LDHC: variants seen among roughly 807,000 people sequenced by gnomAD.
LDHC encodes L-lactate dehydrogenase C chain.
In LDHC, 20 loss-of-function variants were observed where a neutral mutation model predicts 30.2. The ratio of observed to expected loss-of-function variants is 0.66; its 90% confidence interval spans 0.47 to 0.96. The LOEUF (loss-of-function observed/expected upper bound fraction) is 0.96. Among genes scored for constraint, LDHC ranks in the 40% least tolerant of loss-of-function variants. The pLI is 0.00. For synonymous variants in LDHC, 139 were observed against 132.7 expected (o/e 1.05, Z -0.32); for missense variants, 362 against 394.9 (o/e 0.92, Z 0.71).
intron 4 of LDHC, among the ~76,000 whole-genome samples, chr11:18,431,802 C>T (rs575525592): frequency 4.9e-4 from 74 of 152,222 alleles, no homozygotes; most frequent in African/African-American, 1.1e-3. Context: ...CCACCTGCCT[C>T]GCCTCCCAAA....
intron 6 of LDHC, among the ~76,000 whole-genome samples, chr11:18,439,828 A>AAAC (rs1554964769): frequency 6.9e-6 from 1 of 144,830 alleles, no homozygotes; most frequent in Non-Finnish European, 1.5e-5. Flanking sequence ...AAAAAAAAAA[A>AAAC]AAAAAAAACA....
intron 3 of LDHC, among the ~76,000 whole-genome samples, chr11:18,422,319 G>A (rs1410426088): frequency 6.6e-6 from 1 of 152,086 alleles, no homozygotes. Flanking sequence ...ACTCTGGGAG[G>A]CTGAGGTGGT....
chr11:18,416,712 C>G (rs1867028809), intron 3 of LDHC, among the ~76,000 whole-genome samples: 1 of 150,452 alleles, frequency 6.6e-6, no homozygotes, highest in Admixed American at 6.7e-5. Context: ...CTTCCTTTTC[C>G]CTTTCCCCTT....
At chr11:18,437,858 A>C (rs1367951747) in intron 5 of LDHC, among the ~76,000 whole-genome samples, 2 of 151,808 alleles carry the variant, frequency 1.3e-5, no homozygotes, top group East Asian at 3.9e-4. Flanking sequence ...TGAGGCCAGG[A>C]GTTTAAGACC....
intron 3 of LDHC, among the ~76,000 whole-genome samples, chr11:18,429,432 G>A (rs561976722): frequency 1.3e-5 from 2 of 152,162 alleles, no homozygotes; most frequent in South Asian, 4.1e-4. Context: ...TTTCTAAGAA[G>A]GCAGAGAGCT....
chr11:18,431,843 C>A (rs1848272308), intron 4 of LDHC, among the ~76,000 whole-genome samples: 1 of 152,184 alleles, frequency 6.6e-6, no homozygotes, highest in Non-Finnish European at 1.5e-5. Flanking sequence ...AGCCACTGCA[C>A]CCGGCCTGCT....
At chr11:18,434,150 A>C (rs1337279266) in intron 4 of LDHC, among the ~76,000 whole-genome samples, 2 of 151,516 alleles carry the variant, frequency 1.3e-5, no homozygotes, top group Non-Finnish European at 2.9e-5. Context: ...AAATTTCCTG[A>C]ATTTTTTATT....
At chr11:18,437,696 G>A (rs964194412) in intron 5 of LDHC, among the ~76,000 whole-genome samples, 6 of 149,094 alleles carry the variant, frequency 4.0e-5, no homozygotes, top group African/African-American at 1.5e-4. Context: ...AGCTTGCAGT[G>A]AGCCGAGATC....
chr11:18,439,833 A>C (rs1268078430), intron 6 of LDHC, among the ~76,000 whole-genome samples: 1 of 148,662 alleles, frequency 6.7e-6, no homozygotes, highest in Non-Finnish European at 1.5e-5. Flanking sequence ...AAAAAAAAAA[A>C]AAACAAAAAT....
chr11:18,441,136 A>C (rs1268018479), intron 6 of LDHC, among the ~76,000 whole-genome samples: 4 of 151,706 alleles, frequency 2.6e-5, no homozygotes, highest in African/African-American at 9.7e-5. Context: ...TAAAAAAAAA[A>C]CAAAAAACAA....
Position 18,451,318 on chromosome 11 carries a change from G to C in LDHC, c.*191G>C, listed in dbSNP as rs1298503372. On this transcript the variant is annotated 3_prime_UTR_variant, in exon 8 of 8. Transcript: ENST00000541669. ...TTTTCCTCTTTAAGAATCATTTATA[G>C]CTCTATTCTAATGATACCCAATCTG... is the stretch of plus-strand genomic sequence containing the variant. 2 of 431,610 alleles carry C rather than the reference G, an allele frequency of 4.6e-6. No homozygotes were observed. The highest frequency in any genetic ancestry group is 8.0e-6 in the Non-Finnish European group (2 of 248,596). 26.7% of individuals were successfully genotyped at this position (431,610 alleles called of 1,614,324 possible).
chr11:18,428,323 A>T (rs1848200482), intron 3 of LDHC, among the ~76,000 whole-genome samples: 1 of 151,350 alleles, frequency 6.6e-6, no homozygotes, highest in African/African-American at 2.4e-5. Flanking sequence ...GATGCACGCC[A>T]CCATGGCTGG....
chr11:18,439,360 C>T (rs918880528), intron 6 of LDHC, among the ~76,000 whole-genome samples: 1 of 151,716 alleles, frequency 6.6e-6, no homozygotes, highest in African/African-American at 2.4e-5. Flanking sequence ...GTCAGCAGTT[C>T]GAGACCAGCC....
chr11:18,412,619 A>C, intron 1 of LDHC, 90 bp from the exon 2 acceptor site: 1 of 1,197,952 alleles, frequency 8.3e-7, no homozygotes, highest in Non-Finnish European at 1.2e-6. Context: ...GCTTCCCCCC[A>C]TCCCCGGCTC....
intron 6 of LDHC, among the ~76,000 whole-genome samples, chr11:18,440,069 A>G (rs1025618180): frequency 6.7e-6 from 1 of 148,406 alleles, no homozygotes; most frequent in Non-Finnish European, 1.5e-5. Flanking sequence ...TGGAAGGCCT[A>G]GGTGGGCTGA....
chr11:18,435,077 A>T (rs999423684), intron 5 of LDHC, among the ~76,000 whole-genome samples, 164 bp downstream of exon 5: 2 of 152,116 alleles, frequency 1.3e-5, no homozygotes, highest in African/African-American at 4.8e-5. Flanking sequence ...AATCTTTTGC[A>T]TCATTGATTT....
chr11:18,420,965 C>T (rs749823266), intron 3 of LDHC, among the ~76,000 whole-genome samples: 1 of 152,082 alleles, frequency 6.6e-6, no homozygotes, highest in Non-Finnish European at 1.5e-5. Context: ...TTTCCTGTGT[C>T]ATTAGGGAAG....
chr11:18,441,660 C>A (rs527680058), intron 6 of LDHC, among the ~76,000 whole-genome samples: 10 of 151,008 alleles, frequency 6.6e-5, no homozygotes, highest in African/African-American at 2.4e-4. Context: ...GTAATCCCAG[C>A]ACTTTGGGAG....
intron 5 of LDHC, among the ~76,000 whole-genome samples, chr11:18,437,100 C>G (rs1305494477): frequency 6.6e-6 from 1 of 152,094 alleles, no homozygotes; most frequent in African/African-American, 2.4e-5. Flanking sequence ...TCATCTTATT[C>G]TGGAATGACA....
Sources: gnomAD v4.1 joint callset for allele counts (sites outside exome capture counted in the v4.1 genomes callset) on GRCh38, gnomAD v4.1.1 for gene constraint, MANE v1.5 for transcripts, NCBI Gene and HGNC (gene_info 2026-07-23, HGNC 2026-07-21) for gene names.